NEDD1: variants seen among roughly 807,000 people sequenced by gnomAD.
NEDD1 encodes protein NEDD1.
NEDD1 carries 33 observed loss-of-function variants against 74.0 expected under a neutral mutation model. That is an observed-to-expected ratio of 0.45 (90% CI 0.34 to 0.60). The LOEUF (loss-of-function observed/expected upper bound fraction) is 0.60. Among genes scored for constraint, NEDD1 ranks in the 20% least tolerant of loss-of-function variants. NEDD1 has a pLI of 0.01. For synonymous variants in NEDD1, 250 were observed against 264.4 expected, an observed-to-expected ratio of 0.95 and a Z score of 0.53; for missense variants, 746 against 776.5, an observed-to-expected ratio of 0.96 and a Z score of 0.47.
At chr12:96,921,064 G>T (rs1474119784) in intron 6 of NEDD1, among the ~76,000 whole-genome samples, 1 of 152,180 alleles carries the variant, frequency 6.6e-6, no homozygotes, top group East Asian at 1.9e-4. Context: ...AATTGAAAGG[G>T]TTGGGGAGTT....
intron 3 of NEDD1, among the ~76,000 whole-genome samples, chr12:96,911,226 A>G (rs1353272141): frequency 2.0e-5 from 3 of 152,206 alleles, no homozygotes; most frequent in Admixed American, 1.3e-4. Context: ...CCCTCTTACT[A>G]TATAAGAGAA....
chr12:96,951,449 A>G lies in NEDD1; in HGVS notation c.1829A>G (p.Asp610Gly). The change falls in exon 15 of 16, where the codon GAC (aspartate) becomes GGC (glycine). Residue 610 changes from aspartate (D) to glycine (G), a missense_variant. Asp to Gly is a moderately conservative substitution (Grantham distance 94). Coordinates refer to ENST00000266742, the MANE Select transcript of NEDD1 (RefSeq NM_152905.4). ...CTTCCTAGAGAAGCATGCCATAGGG[A>G]CATTGTGAATTTGCAAGTGGAGATG... ...LDDFREACHR[D>G]IVNLQVEMIK... 1 of 1,572,540 alleles carries G rather than the reference A, an allele frequency of 6.4e-7. No homozygotes were observed. Among genetic ancestry groups the G allele is most frequent in the Non-Finnish European group, 8.7e-7 (1 of 1,146,380 alleles).
chr12:96,945,013 A>C (rs1878057606), intron 13 of NEDD1, among the ~76,000 whole-genome samples: 2 of 152,114 alleles, frequency 1.3e-5, no homozygotes, highest in Admixed American at 1.3e-4. Context: ...GGTGTGAATT[A>C]GATTTTCAGT....
At chr12:96,923,484 C>T (rs1875333985) in intron 6 of NEDD1, among the ~76,000 whole-genome samples, 1 of 152,132 alleles carries the variant, frequency 6.6e-6, no homozygotes, top group African/African-American at 2.4e-5. Context: ...GATCCAGTTG[C>T]TCCACATTTT....
In NEDD1 at chr12:96,936,533, G is replaced by C. The variant is rs1009119234; in HGVS notation, c.720-78G>C. On this transcript the variant is annotated intron_variant, in intron 7 of 15. Transcript: ENST00000266742. ...TTGAAGTGTTAATAACTCTGGTTTT[G>C]GTATATAGTTACTTATATAAGCTAA... The C allele has an allele frequency of 2.7e-5, 25 of 928,308 alleles. No individual in the cohort carries two copies. The African/African-American group carries it at 3.3e-4, about 12-fold the overall frequency. 57.5% of individuals were successfully genotyped at this position (928,308 alleles called of 1,614,324 possible).
chr12:96,940,334 A>C (rs2136600862), intron 9 of NEDD1, 75 bp from the exon 10 acceptor site: 1 of 845,544 alleles, frequency 1.2e-6, no homozygotes, highest in East Asian at 2.7e-5. Context: ...GTGATACATT[A>C]ATTTTTACAA....
At chr12:96,938,335 T>C (rs1371852355) in intron 9 of NEDD1, among the ~76,000 whole-genome samples, 1 of 152,094 alleles carries the variant, frequency 6.6e-6, no homozygotes, top group Non-Finnish European at 1.5e-5. Flanking sequence ...AGACAACTGA[T>C]ATCTACTTAA....
intron 6 of NEDD1, among the ~76,000 whole-genome samples, chr12:96,929,969 G>C (rs1284658759): frequency 6.6e-6 from 1 of 152,084 alleles, no homozygotes; most frequent in Non-Finnish European, 1.5e-5. Flanking sequence ...ATCTGTCACA[G>C]ATTCCTTGTT....
At chr12:96,946,300 C>CA (rs1329927919) in intron 14 of NEDD1, among the ~76,000 whole-genome samples, 16 of 152,178 alleles carry the variant, frequency 1.1e-4, no homozygotes, top group Admixed American at 2.0e-4. Context: ...AATTCTTTCT[C>CA]AGACTTATCC....
chr12:96,920,158 T>G (rs887749391), intron 6 of NEDD1, 33 bp downstream of exon 6: 1 of 1,403,824 alleles, frequency 7.1e-7, no homozygotes, highest in Non-Finnish European at 9.6e-7. Flanking sequence ...GTAAAATTGG[T>G]AAGATAGATT....
In NEDD1 at chr12:96,917,715, A is replaced by G. The variant is rs190105600; in HGVS notation, c.326A>G (p.Lys109Arg). Residue 109 changes from lysine to arginine, a missense_variant, in exon 5 of 16, where the codon AAA becomes AGA. Physicochemically the swap from Lys to Arg is conservative, Grantham distance 26. Around this residue, in one of 3 missense-constraint regions of NEDD1, gnomAD observed 706 missense variants for 706.7 expected, o/e 1.00. Coordinates refer to ENST00000266742, the MANE Select transcript of NEDD1 (RefSeq NM_152905.4). ...NTVNIWDLKS[K>R]RVHRSLKDHK... is the part of the protein sequence containing the mutation. ...GTTAATATTTGGGATTTAAAATCAAAAAGAGTTCATCGATCTCTTAAGGTA... is the reference window on the plus strand; with the variant it reads ...GTTAATATTTGGGATTTAAAATCAAGAAGAGTTCATCGATCTCTTAAGGTA... The G allele has an allele frequency of 6.4e-7, 1 of 1,560,122 alleles. No homozygotes were observed. Among genetic ancestry groups the G allele is most frequent in the African/African-American group, 1.4e-5 (1 of 71,168 alleles).
intron 6 of NEDD1, among the ~76,000 whole-genome samples, chr12:96,926,627 C>T (rs936184059): frequency 1.3e-5 from 2 of 150,170 alleles, no homozygotes; most frequent in African/African-American, 4.9e-5. Context: ...CCCAAAGCAT[C>T]GAATTGCTAC....
At position 96,920,129 on chromosome 12, in the gene NEDD1, C is replaced by A; in HGVS notation, c.489+4C>A. On this transcript the variant is annotated splice_donor_region_variant and intron_variant, in intron 6 of 15. Coordinates refer to ENST00000266742, the MANE Select transcript of NEDD1 (RefSeq NM_152905.4). Reference sequence around the variant, plus strand: ...TTTTGGCCATGGTAGTAACCAGGTACAGTATGAGTTTATTCAGAGTAAAAT... The same window carrying A: ...TTTTGGCCATGGTAGTAACCAGGTAAAGTATGAGTTTATTCAGAGTAAAAT... 6.4e-7 allele frequency: 1 copy of A among 1,567,806 alleles called. No homozygotes were observed. Among genetic ancestry groups the A allele is most frequent in the Non-Finnish European group, 8.7e-7 (1 of 1,149,778 alleles).
At chr12:96,925,264 G>A (rs1239403686) in intron 6 of NEDD1, among the ~76,000 whole-genome samples, 1 of 152,138 alleles carries the variant, frequency 6.6e-6, no homozygotes, top group Non-Finnish European at 1.5e-5. Context: ...TGGGTTTTTG[G>A]GGAGGGACCA....
chr12:96,951,996 A>G lies in NEDD1; in HGVS notation c.1926A>G (p.Leu642=), dbSNP rs537956585. The change falls in exon 16 of 16, where the codon TTA becomes TTG. Residue 642 remains leucine, a synonymous_variant. Transcript: ENST00000266742. ...AAAGATACTCAGTGAATGAAGGTTT[A>G]GTGGCTGAAATTGAAAGACTACGAG... ...LLERYSVNEG[L]VAEIERLREE... The G allele has an allele frequency of 3.5e-5, 56 of 1,607,428 alleles. No homozygotes were observed. In the South Asian group the frequency reaches 5.7e-4, roughly 16 times the overall value.
chr12:96,930,207 A>ACT (rs1304569865), intron 6 of NEDD1, among the ~76,000 whole-genome samples: 82 of 91,234 alleles, frequency 9.0e-4, no homozygotes, highest in African/African-American at 2.1e-3. Context: ...ACACACACAC[A>ACT]CACACTCTCT....
At position 96,934,965 on chromosome 12, in the gene NEDD1, C is replaced by G; in HGVS notation, c.490-11C>G. 1.3e-6 allele frequency: 2 copies of G among 1,516,378 alleles called. No individual in the cohort carries two copies. The highest frequency in any genetic ancestry group is 1.8e-6 in the Non-Finnish European group (2 of 1,092,580). 93.9% of individuals were successfully genotyped at this position (1,516,378 alleles called of 1,614,324 possible). Reference sequence around the variant, plus strand: ...TATAATTACATAAAATTTATTCTTTCATTTTTATAGTCTGTTCGGCACTTG... The same window carrying G: ...TATAATTACATAAAATTTATTCTTTGATTTTTATAGTCTGTTCGGCACTTG... On this transcript the variant is annotated splice_polypyrimidine_tract_variant and intron_variant, in intron 6 of 15. Coordinates refer to ENST00000266742, the MANE Select transcript of NEDD1 (RefSeq NM_152905.4).
chr12:96,938,621 T>A (rs1048354774), intron 9 of NEDD1, among the ~76,000 whole-genome samples: 1 of 152,072 alleles, frequency 6.6e-6, no homozygotes, highest in Non-Finnish European at 1.5e-5. Flanking sequence ...TCCCAACATT[T>A]CTGGCAAAGT....
chr12:96,923,340 T>A (rs1875315636), intron 6 of NEDD1, among the ~76,000 whole-genome samples: 1 of 141,086 alleles, frequency 7.1e-6, no homozygotes, highest in African/African-American at 2.4e-5. Context: ...CAAGTCTTTT[T>A]TTAAGATACA....
Sources: allele counts gnomAD v4.1 joint callset (sites outside exome capture counted in the v4.1 genomes callset), GRCh38; gene constraint gnomAD v4.1.1; regional missense constraint gnomAD v4.1.1; transcripts MANE v1.5; gene names NCBI Gene and HGNC (gene_info 2026-07-23, HGNC 2026-07-21).